Variants in TRIO observed in about 807,000 individuals in gnomAD.
TRIO encodes the protein trio Rho guanine nucleotide exchange factor, also known as triple functional domain protein.
TRIO carries 58 observed loss-of-function variants against 351.9 expected under a neutral mutation model. That is an observed-to-expected ratio of 0.16 (90% CI 0.13 to 0.21). The LOEUF (loss-of-function observed/expected upper bound fraction) is 0.21, where lower values mean the gene tolerates loss of function less well. Among genes scored for constraint, TRIO ranks in the 10% least tolerant of loss-of-function variants. The pLI, the probability that TRIO is intolerant of heterozygous loss-of-function variation, is 1.00. For synonymous variants in TRIO, 1,758 were observed against 1,595.7 expected, an observed-to-expected ratio of 1.10 and a Z score of -2.42; for missense variants, 3,201 against 4,027.8, an observed-to-expected ratio of 0.79 and a Z score of 5.56.
At chr5:14,299,217 A>G (rs1737648345) in intron 7 of TRIO, among the ~76,000 whole-genome samples, 1 of 152,236 alleles carries the variant, frequency 6.6e-6, no homozygotes, top group Non-Finnish European at 1.5e-5. Context: ...GGGTATTCTC[A>G]TCTGGATAAA....
intron 34 of TRIO, among the ~76,000 whole-genome samples, chr5:14,443,335 G>A (rs1451454419): frequency 6.6e-6 from 1 of 152,144 alleles, no homozygotes; most frequent in African/African-American, 2.4e-5. Context: ...ATGCGTGTGT[G>A]TGTAGAAAGT....
At chr5:14,330,057 G>A (rs1322041616) in intron 9 of TRIO, among the ~76,000 whole-genome samples, 7 of 152,196 alleles carry the variant, frequency 4.6e-5, no homozygotes, top group Admixed American at 3.9e-4. Flanking sequence ...ACTCTAGTTT[G>A]TTAGATATTG....
intron 31 of TRIO, among the ~76,000 whole-genome samples, chr5:14,403,176 T>C (rs903673447): frequency 1.1e-5 from 1 of 89,682 alleles, no homozygotes; most frequent in African/African-American, 5.3e-5. Flanking sequence ...GTGGTGAGGG[T>C]GCAGGTTGTG....
At chr5:14,488,323 G>GCCACC in intron 48 of TRIO, 63 bp downstream of exon 48, 1 of 1,496,856 alleles carries the variant, frequency 6.7e-7, no homozygotes, top group African/African-American at 1.4e-5. Flanking sequence ...AGCTCTAAAC[G>GCCACC]CCACCGCGGC....
intron 6 of TRIO, among the ~76,000 whole-genome samples, chr5:14,295,010 C>T (rs1036857168): frequency 5.9e-5 from 9 of 152,016 alleles, no homozygotes; most frequent in African/African-American, 7.3e-5. Context: ...ACAATGCATG[C>T]GGGTAGCTCG....
chr5:14,300,922 C>A (rs1336576308), intron 7 of TRIO, among the ~76,000 whole-genome samples: 2 of 152,164 alleles, frequency 1.3e-5, no homozygotes, highest in Non-Finnish European at 2.9e-5. Context: ...AAATTTCCGT[C>A]CCTTTGTCTC....
chr5:14,478,843 T>A lies in TRIO; in HGVS notation c.6154-418T>A, dbSNP rs151134856. Among the ~76,000 whole-genome samples, 286 of 151,188 alleles carry A rather than the reference T, an allele frequency of 1.9e-3. 1 individual carries two copies. The highest frequency in any genetic ancestry group is 6.8e-3 in the African/African-American group (280 of 41,180). Reference sequence around the variant, plus strand: ...CGGGCATGGTGATGCACATCTGTAATCCTAGCTACTCAGAGGCTGAGGTAG... The same window carrying A: ...CGGGCATGGTGATGCACATCTGTAAACCTAGCTACTCAGAGGCTGAGGTAG... On this transcript the variant is annotated intron_variant, in intron 41 of 56. Coordinates refer to ENST00000344204, the MANE Select transcript of TRIO (RefSeq NM_007118.4).
chr5:14,238,236 A>G (rs1275426255), intron 1 of TRIO, among the ~76,000 whole-genome samples: 1 of 152,236 alleles, frequency 6.6e-6, no homozygotes, highest in Non-Finnish European at 1.5e-5. Flanking sequence ...AGGTGAACTG[A>G]CTACTGCATG....
chr5:14,507,082 CA>C, intron 55 of TRIO, 39 bp from the exon 56 acceptor site: 1 of 1,537,548 alleles, frequency 6.5e-7, no homozygotes, highest in Non-Finnish European at 8.7e-7. Context: ...GTCTTCAAAG[CA>C]AATCGCATCA....
At chr5:14,465,302 A>T (rs1244334448) in intron 36 of TRIO, among the ~76,000 whole-genome samples, 1 of 152,232 alleles carries the variant, frequency 6.6e-6, no homozygotes, top group East Asian at 1.9e-4. Context: ...CATGACTGCG[A>T]TTCAAATCAG....
chr5:14,443,222 G>C (rs1752198091), intron 34 of TRIO, among the ~76,000 whole-genome samples: 1 of 152,056 alleles, frequency 6.6e-6, no homozygotes, highest in Admixed American at 6.6e-5. Flanking sequence ...TTTTAAGCTA[G>C]GAAAAATTCG....
At chr5:14,358,435 T>G in intron 12 of TRIO, 88 bp downstream of exon 12, 1 of 1,489,254 alleles carries the variant, frequency 6.7e-7, no homozygotes, top group Non-Finnish European at 9.2e-7. Context: ...AGTGGTCAGC[T>G]CTGCTTCTCT....
intron 9 of TRIO, 64 bp downstream of exon 9, chr5:14,316,807 T>A: frequency 1.4e-6 from 2 of 1,474,412 alleles, no homozygotes; most frequent in Non-Finnish European, 1.9e-6. Flanking sequence ...TTTAAATACA[T>A]CATCATATTG....
intron 10 of TRIO, among the ~76,000 whole-genome samples, chr5:14,333,555 A>G (rs1241107360): frequency 6.6e-6 from 1 of 152,220 alleles, no homozygotes; most frequent in Non-Finnish European, 1.5e-5. Context: ...CTTTTAAACC[A>G]AGCAAATATA....
intron 1 of TRIO, among the ~76,000 whole-genome samples, chr5:14,267,980 C>G (rs963748250): frequency 6.6e-6 from 1 of 152,232 alleles, no homozygotes; most frequent in Non-Finnish European, 1.5e-5. Flanking sequence ...AATTTATATT[C>G]TGGTCTATGC....
intron 36 of TRIO, 31 bp from the exon 37 acceptor site, chr5:14,465,514 C>A: frequency 1.2e-6 from 2 of 1,609,778 alleles, no homozygotes; most frequent in Non-Finnish European, 1.7e-6. Flanking sequence ...GCCCTTGCCC[C>A]ACCCCCTCCT....
At chr5:14,265,449 T>G (rs1488947766) in intron 1 of TRIO, among the ~76,000 whole-genome samples, 1 of 152,196 alleles carries the variant, frequency 6.6e-6, no homozygotes, top group Non-Finnish European at 1.5e-5. Context: ...TTAAAAAATT[T>G]TAAAATTTGA....
chr5:14,209,247 A>G (rs1791731014), intron 1 of TRIO, among the ~76,000 whole-genome samples: 1 of 152,244 alleles, frequency 6.6e-6, no homozygotes, highest in African/African-American at 2.4e-5. Flanking sequence ...ATTATACCTT[A>G]AAATACCTCA....
chr5:14,488,612 C>T, intron 48 of TRIO: 1 of 501,186 alleles, frequency 2.0e-6, no homozygotes, highest in South Asian at 3.1e-5. Flanking sequence ...TCCCTGCTCT[C>T]TACCTCCTGT....
Sources: gnomAD v4.1 joint callset for allele counts (sites outside exome capture counted in the v4.1 genomes callset) on GRCh38, gnomAD v4.1.1 for gene constraint, MANE v1.5 for transcripts, NCBI Gene and HGNC (gene_info 2026-07-23, HGNC 2026-07-21) for gene names.